Variants in GAB1 observed in about 807,000 individuals in gnomAD.
GAB1 encodes the protein GRB2 associated binding protein 1.
A neutral mutation model predicts 66.5 loss-of-function variants in GAB1; 19 were observed. The observed-to-expected ratio is 0.29, with a 90% confidence interval of 0.20 to 0.42. The LOEUF is 0.42. GAB1 is among the 10% of genes least tolerant of loss of function. The pLI is 1.00. For missense variants in GAB1, 732 were observed against 858.5 expected (o/e 0.85, Z 1.84); for synonymous variants, 294 against 301.4 (o/e 0.98, Z 0.25).
At chr4:143,464,402 T>C (rs879719605) in intron 8 of GAB1, among the ~76,000 whole-genome samples, 3 of 152,026 alleles carry the variant, frequency 2.0e-5, no homozygotes, top group Non-Finnish European at 2.9e-5. Flanking sequence ...CTAGTTTTTG[T>C]AGTTTTTAGT....
At position 143,337,179 on chromosome 4, in the gene GAB1, C is replaced by G; in HGVS notation, c.-10C>G. ...CAGCTGCCCGGCCCGGAGCCCGAGA[C>G]GCGCGCACCATGAGCGGTGGTGAAG... On this transcript the variant is annotated 5_prime_UTR_variant, in exon 1 of 10. Transcript: ENST00000262994. The G allele has an allele frequency of 1.3e-5, 21 of 1,571,574 alleles. No homozygotes were observed. The highest frequency in any genetic ancestry group is 1.6e-5 in the Non-Finnish European group (19 of 1,158,018).
Position 143,386,344 on chromosome 4 carries a change from T to A in GAB1, c.73-29133T>A, listed in dbSNP as rs532926922. ...GTAAAGTCTAATATGAAATTTATGTTTCATGTACACCATATGCATAGCCTG... is the reference window on the plus strand; with the variant it reads ...GTAAAGTCTAATATGAAATTTATGTATCATGTACACCATATGCATAGCCTG... On this transcript the variant is annotated intron_variant, in intron 1 of 9. Coordinates refer to ENST00000262994, the MANE Select transcript of GAB1 (RefSeq NM_002039.4). Among the ~76,000 whole-genome samples, 11 of 152,290 alleles carry A rather than the reference T, an allele frequency of 7.2e-5. 1 individual carries two copies. The East Asian group carries it at 2.1e-3, about 29-fold the overall frequency.
intron 1 of GAB1, among the ~76,000 whole-genome samples, chr4:143,358,065 C>T (rs1314892261): frequency 6.6e-6 from 1 of 152,038 alleles, no homozygotes; most frequent in Non-Finnish European, 1.5e-5. Flanking sequence ...AACTCCGGTA[C>T]GTTAAACCAA....
At chr4:143,390,842 G>T (rs1202410550) in intron 1 of GAB1, among the ~76,000 whole-genome samples, 2 of 152,096 alleles carry the variant, frequency 1.3e-5, no homozygotes, top group Non-Finnish European at 2.9e-5. Flanking sequence ...ACATCTCAGG[G>T]TTCATCTACA....
chr4:143,340,890 C>T (rs1181648900), intron 1 of GAB1, among the ~76,000 whole-genome samples: 1 of 152,172 alleles, frequency 6.6e-6, no homozygotes, highest in Non-Finnish European at 1.5e-5. Context: ...TTTACTGTTT[C>T]ATAGTCAACT....
At chr4:143,452,351 G>A (rs1349662787) in intron 6 of GAB1, among the ~76,000 whole-genome samples, 1 of 152,146 alleles carries the variant, frequency 6.6e-6, no homozygotes, top group Non-Finnish European at 1.5e-5. Context: ...GTCCTCCTCT[G>A]TAAGAGAGCA....
chr4:143,462,278 G>A (rs1735532694), intron 8 of GAB1, among the ~76,000 whole-genome samples: 1 of 151,966 alleles, frequency 6.6e-6, no homozygotes. Flanking sequence ...ATAGTAAGTT[G>A]ACTCTAGTAA....
At position 143,440,145 on chromosome 4, in the gene GAB1, A is replaced by G. The variant is rs751683961; in HGVS notation, c.1348A>G (p.Met450Val). The G allele has an allele frequency of 1.6e-5, 26 of 1,614,092 alleles. No homozygotes were observed. The highest frequency in any genetic ancestry group is 1.1e-4 in the South Asian group (10 of 91,086). ...SEELDENYVP[M>V]NPNSPPRQHS... is the part of the protein sequence containing the mutation. ...AGAACTGGATGAAAATTACGTCCCAATGAATCCCAATTCACCACCACGACA... is the reference window on the plus strand; with the variant it reads ...AGAACTGGATGAAAATTACGTCCCAGTGAATCCCAATTCACCACCACGACA... Residue 450 changes from methionine to valine, a missense_variant, in exon 6 of 10, where the codon ATG becomes GTG. Physicochemically the swap from Met to Val is conservative, Grantham distance 21. This residue lies in a region of GAB1 where 427 missense variants were observed against 420.6 expected (regional missense o/e 1.02). Transcript: ENST00000262994.
At chr4:143,395,105 G>A (rs1731377709) in intron 1 of GAB1, 1 of 152,186 alleles carries the variant, frequency 6.6e-6, no homozygotes, top group Non-Finnish European at 1.5e-5. Context: ...GCATGAGAGT[G>A]TTATAACAGT....
intron 6 of GAB1, among the ~76,000 whole-genome samples, chr4:143,450,972 A>G (rs562965258): frequency 6.6e-6 from 1 of 152,310 alleles, no homozygotes; most frequent in Non-Finnish European, 1.5e-5. Context: ...ATTAACATTC[A>G]TACAACACAG....
chr4:143,437,665 T>G (rs937805503), intron 3 of GAB1, among the ~76,000 whole-genome samples: 1 of 152,220 alleles, frequency 6.6e-6, no homozygotes, highest in Non-Finnish European at 1.5e-5. Flanking sequence ...GTCTATGCAT[T>G]AATCATTTAC....
At chr4:143,405,479 A>G (rs1025425885) in intron 1 of GAB1, among the ~76,000 whole-genome samples, 1 of 151,464 alleles carries the variant, frequency 6.6e-6, no homozygotes, top group African/African-American at 2.5e-5. Flanking sequence ...AATTCTTACA[A>G]CAATAAGAAA....
chr4:143,337,225 C>A lies in GAB1; in HGVS notation c.37C>A (p.Arg13Ser), dbSNP rs1390007139. The A allele has an allele frequency of 6.3e-7, 1 of 1,586,384 alleles. No individual in the cohort carries two copies. The highest frequency in any genetic ancestry group is 2.3e-5 in the East Asian group (1 of 44,018). Reference sequence around the variant, plus strand: ...TGAAGTGGTCTGCTCCGGATGGCTCCGCAAGTCCCCCCCGGAGAAAAAGTT... The same window carrying A: ...TGAAGTGGTCTGCTCCGGATGGCTCAGCAAGTCCCCCCCGGAGAAAAAGTT... Reference protein sequence around the residue: ...GGEVVCSGWLRKSPPEKKLKR... With the variant: ...GGEVVCSGWLSKSPPEKKLKR... The change falls in exon 1 of 10, where the codon CGC (arginine) becomes AGC (serine). Residue 13 changes from arginine (R) to serine (S), a missense_variant. Arg to Ser is a moderately radical substitution (Grantham distance 110). Transcript: ENST00000262994.
chr4:143,340,440 AG>A (rs1454738509), intron 1 of GAB1, among the ~76,000 whole-genome samples: 1 of 152,200 alleles, frequency 6.6e-6, no homozygotes, highest in Non-Finnish European at 1.5e-5. Context: ...CAGCATTTAT[AG>A]GGTAGTCCGA....
intron 6 of GAB1, among the ~76,000 whole-genome samples, chr4:143,446,221 C>A (rs1252135637): frequency 6.6e-6 from 1 of 152,060 alleles, no homozygotes; most frequent in Admixed American, 6.6e-5. Flanking sequence ...GGTTCCAAGT[C>A]TTTGCTATTG....
chr4:143,418,117 T>G (rs1732795447), intron 2 of GAB1, among the ~76,000 whole-genome samples: 1 of 152,136 alleles, frequency 6.6e-6, no homozygotes, highest in African/African-American at 2.4e-5. Context: ...AATGAGGGCG[T>G]TCAGAATCTC....
At chr4:143,437,227 A>G (rs931592807) in intron 3 of GAB1, among the ~76,000 whole-genome samples, 2 of 152,198 alleles carry the variant, frequency 1.3e-5, no homozygotes, top group Non-Finnish European at 2.9e-5. Flanking sequence ...TAGTTCAGGT[A>G]TCTTGTTTAG....
chr4:143,337,421 G>T (rs13137712), intron 1 of GAB1, among the ~76,000 whole-genome samples, 161 bp downstream of exon 1: 1 of 152,144 alleles, frequency 6.6e-6, no homozygotes, highest in Non-Finnish European at 1.5e-5. Context: ...GGGACAGGGT[G>T]CCTTGCACTC....
At chr4:143,372,361 A>C (rs1730162840) in intron 1 of GAB1, among the ~76,000 whole-genome samples, 1 of 152,130 alleles carries the variant, frequency 6.6e-6, no homozygotes, top group African/African-American at 2.4e-5. Flanking sequence ...CTATTTATTG[A>C]ATGCTTGCTG....
Sources: allele counts gnomAD v4.1 joint callset (sites outside exome capture counted in the v4.1 genomes callset), GRCh38; gene constraint gnomAD v4.1.1; regional missense constraint gnomAD v4.1.1; transcripts MANE v1.5; gene names NCBI Gene and HGNC (gene_info 2026-07-23, HGNC 2026-07-21).